Variants in LRRC53 observed in about 807,000 individuals in gnomAD.
The protein encoded by LRRC53 is leucine-rich repeat-containing protein 53.
In LRRC53, 25 loss-of-function variants were observed where a neutral mutation model predicts 13.6. That is an observed-to-expected ratio of 1.83 (90% confidence interval 1.34 to 2.56). LRRC53 has a LOEUF of 2.56. Ranked by LOEUF, LRRC53 falls within the 30% of genes most tolerant of loss-of-function variation. The probability of loss-of-function intolerance (pLI) is 0.00; values close to 1 mark genes in which losing one functional copy is unlikely to be tolerated. For synonymous variants in LRRC53, 204 were observed against 109.8 expected, an observed-to-expected ratio of 1.86 and a Z score of -5.37; for missense variants, 527 against 275.8, an observed-to-expected ratio of 1.91 and a Z score of -6.45.
upstream of LRRC53, among the ~76,000 whole-genome samples, chr1:74,517,421 C>G (rs1218072927): frequency 6.6e-6 from 1 of 152,202 alleles, no homozygotes; most frequent in Non-Finnish European, 1.5e-5. Flanking sequence ...AACCTTCAAA[C>G]ACTTACTTGA....
At chr1:74,477,945 T>A (rs907772043) in intron 3 of LRRC53, among the ~76,000 whole-genome samples, 1 of 152,242 alleles carries the variant, frequency 6.6e-6, no homozygotes, top group African/African-American at 2.4e-5. Context: ...AAAAACTTTT[T>A]ATCTACCAGT....
At chr1:74,529,551 A>T in the LRRC53 span, among the ~76,000 whole-genome samples, 7 of 152,332 alleles carry the variant, frequency 4.6e-5, no homozygotes, top group South Asian at 1.5e-3. Context: ...CGTTATTGAG[A>T]TAATTGGCAA....
At position 74,470,851 on chromosome 1, in the gene LRRC53, G is replaced by T. The variant is rs1268342601; in HGVS notation, c.2771C>A (p.Ser924Tyr). Residue 924 changes from serine (S) to tyrosine (Y), a missense_variant, in exon 5 of 5, where the codon TCC becomes TAC. Transcript: ENST00000294635. ...KTSELNQFSL[S>Y]PRNQTQLLDA... is the part of the protein sequence containing the mutation. ...TAAAAGTTGTGTTTGATTCCTCGGG[G>T]ACAAAGAAAACTGATTTAACTCACT... 2.5e-6 allele frequency: 1 copy of T among 400,636 alleles called. No individual in the cohort carries two copies. Among genetic ancestry groups the T allele is most frequent in the African/African-American group, 2.1e-5 (1 of 48,778 alleles). The allele number at this position is 400,636 out of a possible 1,614,324, so 24.8% of individuals were successfully genotyped here. A position where few individuals can be genotyped will look rare whatever the true frequency, so the allele number is the denominator to read the frequency against.
At position 74,480,365 on chromosome 1, in the gene LRRC53, T is replaced by C; in HGVS notation, c.692A>G (p.Asn231Ser). 1.4e-6 allele frequency: 1 copy of C among 717,684 alleles called. No individual in the cohort carries two copies. The highest frequency in any genetic ancestry group is 1.5e-5 in the South Asian group (1 of 67,600). The allele number at this position is 717,684 out of a possible 1,614,324, so 44.5% of individuals were successfully genotyped here. A position where few individuals can be genotyped will look rare whatever the true frequency, so the allele number is the denominator to read the frequency against. ...DLHPLARFLRNYIKSSAHTLR... is the reference protein window; with the variant it reads ...DLHPLARFLRSYIKSSAHTLR... Reference sequence around the variant, plus strand: ...CGTGTGAGCAGAAGACTTAATGTAGTTTCTTAAAAACCGAGCAAGGGGATG... The same window carrying C: ...CGTGTGAGCAGAAGACTTAATGTAGCTTCTTAAAAACCGAGCAAGGGGATG... Residue 231 changes from asparagine (N) to serine (S), a missense_variant, in exon 3 of 5, where the codon AAC becomes AGC. Coordinates refer to ENST00000294635, the MANE Select transcript of LRRC53 (RefSeq NM_001382280.1).
At chr1:74,510,380 C>T (rs1670124860) in intron 1 of LRRC53, among the ~76,000 whole-genome samples, 2 of 152,030 alleles carry the variant, frequency 1.3e-5, no homozygotes, top group Non-Finnish European at 1.5e-5. Context: ...TGGTGCCTGG[C>T]GCCTGTAGTC....
intron 1 of LRRC53, among the ~76,000 whole-genome samples, chr1:74,492,914 C>T (rs45594839): frequency 5.3e-5 from 8 of 152,294 alleles, no homozygotes; most frequent in South Asian, 2.1e-4. Flanking sequence ...GGTTCTGGTG[C>T]GGGTTCTCTT....
rs1249509769 is a variant in LRRC53, at chr1:74,475,504, T to C, written c.1211A>G (p.Lys404Arg). Residue 404 changes from lysine (K) to arginine (R), a missense_variant, in exon 4 of 5, where the codon AAG (lysine) becomes AGG (arginine). Physicochemically the swap from Lys to Arg is conservative, Grantham distance 26. Transcript: ENST00000294635. ...TLDGSFRNLK[K>R]KDRGVGSTLF... ...AGTGCTGCCTACCCCACGGTCTTTC[T>C]TTTTCAGGTTTCTAAATGATCCGTC... 1 of 716,768 alleles carries C rather than the reference T, an allele frequency of 1.4e-6. No individual in the cohort carries two copies. The highest frequency in any genetic ancestry group is 1.5e-5 in the South Asian group (1 of 67,560). 44.4% of individuals were successfully genotyped at this position (716,768 alleles called of 1,614,324 possible).
At chr1:74,505,859 G>A (rs1019239709) in intron 1 of LRRC53, among the ~76,000 whole-genome samples, 4 of 152,190 alleles carry the variant, frequency 2.6e-5, no homozygotes, top group Admixed American at 1.3e-4. Flanking sequence ...TGTGATATTA[G>A]CTGAACATTT....
chr1:74,481,082 A>G (rs1668478644), intron 2 of LRRC53, 114 bp from the exon 3 acceptor site: 1 of 587,178 alleles, frequency 1.7e-6, no homozygotes. Flanking sequence ...CTGGGTAAAA[A>G]CAATAAACAA....
At chr1:74,532,817 G>A in the LRRC53 span, among the ~76,000 whole-genome samples, 76,513 of 151,732 alleles carry the variant, frequency 0.5, 20,288 homozygotes, top group East Asian at 0.72. Context: ...AATGGGGAAA[G>A]GATTCCCTAT....
the LRRC53 span, among the ~76,000 whole-genome samples, chr1:74,533,762 G>C: frequency 6.6e-6 from 1 of 151,964 alleles, no homozygotes. Flanking sequence ...GTCCTTTGTA[G>C]GGACATGGAT....
intron 3 of LRRC53, among the ~76,000 whole-genome samples, chr1:74,477,737 G>C (rs1668276448): frequency 6.6e-6 from 1 of 152,118 alleles, no homozygotes; most frequent in Non-Finnish European, 1.5e-5. Context: ...CTTTCCATTA[G>C]TGCAGAAAGC....
chr1:74,470,552 T>C lies in LRRC53; in HGVS notation c.3070A>G (p.Asn1024Asp). Residue 1024 changes from asparagine (N) to aspartate (D), a missense_variant, in exon 5 of 5, where the codon AAT becomes GAT. Transcript: ENST00000294635. ...ATTCTATTTTGGTATGGAATTGAAT[T>C]TGTCTTCATAAATGATAGGTTGTTC... is the stretch of plus-strand genomic sequence containing the variant. Reference protein sequence around the residue: ...SKNNLSFMKTNSIPYQNRIEL... With the variant: ...SKNNLSFMKTDSIPYQNRIEL... The C allele has an allele frequency of 2.5e-6, 1 of 400,716 alleles. No individual in the cohort carries two copies. The highest frequency in any genetic ancestry group is 1.3e-4 in the South Asian group (1 of 7,956). The allele number at this position is 400,716 out of a possible 1,614,324, so 24.8% of individuals were successfully genotyped here.
chr1:74,526,624 A>G, the LRRC53 span, among the ~76,000 whole-genome samples: 1 of 152,242 alleles, frequency 6.6e-6, no homozygotes, highest in Non-Finnish European at 1.5e-5. Flanking sequence ...GGTAAACACT[A>G]AATAAATATA....
the LRRC53 span, among the ~76,000 whole-genome samples, chr1:74,536,953 G>A: frequency 1.3e-5 from 2 of 152,164 alleles, no homozygotes; most frequent in Admixed American, 1.3e-4. Flanking sequence ...GGATGCACAT[G>A]GGTGGAAACA....
At chr1:74,518,793 G>T in the LRRC53 span, among the ~76,000 whole-genome samples, 1 of 150,328 alleles carries the variant, frequency 6.7e-6, no homozygotes, top group South Asian at 2.1e-4. Flanking sequence ...TTACAAATAT[G>T]GATTATTTAA....
intron 1 of LRRC53, among the ~76,000 whole-genome samples, chr1:74,500,603 C>CAAAAAAAAAA (rs561290319): frequency 4.6e-5 from 2 of 43,244 alleles, no homozygotes; most frequent in Non-Finnish European, 8.6e-5. Flanking sequence ...GACTCCGTCT[C>CAAAAAAAAAA]AAAAAAAAAA....
upstream of LRRC53, among the ~76,000 whole-genome samples, chr1:74,516,634 G>A (rs981794296): frequency 6.6e-6 from 1 of 152,118 alleles, no homozygotes; most frequent in Non-Finnish European, 1.5e-5. Context: ...ATGGGCCATG[G>A]GACCTCAACA....
At chr1:74,524,940 G>A in the LRRC53 span, among the ~76,000 whole-genome samples, 195 of 152,280 alleles carry the variant, frequency 1.3e-3, no homozygotes, top group Non-Finnish European at 2.2e-3. Flanking sequence ...TTTGGGGCTG[G>A]AAAGAGAGGT....
Sources: allele counts gnomAD v4.1 joint callset (sites outside exome capture counted in the v4.1 genomes callset), GRCh38; gene constraint gnomAD v4.1.1; transcripts MANE v1.5; gene names NCBI Gene and HGNC (gene_info 2026-07-23, HGNC 2026-07-21).